The following ANO7 variants were observed in gnomAD, a reference collection of about 807,000 sequenced individuals.
ANO7 encodes anoctamin-7.
Under a neutral mutation model 115.8 loss-of-function variants are expected in ANO7, and 114 were observed. The ratio of observed to expected loss-of-function variants is 0.98; its 90% CI spans 0.85 to 1.15. ANO7 has a LOEUF of 1.15. Among genes scored for constraint, ANO7 ranks in the 50% most tolerant of loss-of-function variants. The probability of loss-of-function intolerance (pLI) is 0.00; values close to 1 mark genes in which losing one functional copy is unlikely to be tolerated. For synonymous variants in ANO7, 550 were observed against 498.2 expected (o/e 1.10, Z -1.38); for missense variants, 1,302 against 1,201.2 (o/e 1.08, Z -1.24).
At chr2:241,235,189 T>A in the ANO7 span, 1 of 1,614,116 alleles carries the variant, frequency 6.2e-7, no homozygotes. Flanking sequence ...CGGTCCAAAT[T>A]TGCAGCGAGG....
downstream of ANO7, chr2:241,229,978 G>C (rs758010521): frequency 1.9e-5 from 30 of 1,587,362 alleles, no homozygotes; most frequent in Admixed American, 4.8e-4. Context: ...GCAGAAGACA[G>C]GAAGACAGGG....
At chr2:241,235,357 C>A in the ANO7 span, 1 of 1,551,126 alleles carries the variant, frequency 6.4e-7, no homozygotes, top group African/African-American at 1.4e-5. Context: ...GGCCACCCGC[C>A]GTGAAGGGAA....
chr2:241,203,254 A>C lies in ANO7; in HGVS notation c.724-79A>C. 1.6e-6 allele frequency: 2 copies of C among 1,229,612 alleles called. No individual in the cohort carries two copies. Among genetic ancestry groups the C allele is most frequent in the African/African-American group, 1.6e-5 (1 of 63,438 alleles). 76.2% of individuals were successfully genotyped at this position (1,229,612 alleles called of 1,614,324 possible). A position where few individuals can be genotyped will look rare whatever the true frequency, so the allele number is the denominator to read the frequency against. ...CCAGGCCTGTCTGCCCATGTCCCAC[A>C]CTGAAGCCCCTGCACCTACAACAGT... On this transcript the variant is annotated intron_variant, in intron 8 of 24. Coordinates refer to ENST00000674324, the MANE Select transcript of ANO7 (RefSeq NM_001370694.2). The surrounding 1 kb of genome is among the most constrained non-coding windows in gnomAD (Gnocchi z 4.8).
At chr2:241,201,556 G>A (rs1559444094) in intron 7 of ANO7, among the ~76,000 whole-genome samples, 1 of 152,200 alleles carries the variant, frequency 6.6e-6, no homozygotes, top group Non-Finnish European at 1.5e-5. Flanking sequence ...GGAAGGGGTG[G>A]GGAAGGGCCC....
chr2:241,234,521 G>A, the ANO7 span, among the ~76,000 whole-genome samples: 1 of 152,166 alleles, frequency 6.6e-6, no homozygotes, highest in Admixed American at 6.5e-5. Context: ...CGGGAGGAGT[G>A]GAAAGCCAAC....
At chr2:241,204,161 C>T (rs1039664293) in intron 9 of ANO7, among the ~76,000 whole-genome samples, 8 of 152,184 alleles carry the variant, frequency 5.3e-5, no homozygotes, top group African/African-American at 1.4e-4. Context: ...AGGACTCACC[C>T]GGCCATCTCA....
rs765313188 is a variant in ANO7, at chr2:241,201,316, C to T, written c.573C>T (p.Asn191=). Residue 191 remains asparagine, a synonymous_variant, in exon 7 of 25, where the codon AAC becomes AAT. Coordinates refer to ENST00000674324, the MANE Select transcript of ANO7 (RefSeq NM_001370694.2). ...CCCACAGCTTCCTCGGGAGTGACAACCAGGACACCTTCTTCACAAGCACCA... is the reference window on the plus strand; with the variant it reads ...CCCACAGCTTCCTCGGGAGTGACAATCAGGACACCTTCTTCACAAGCACCA... ...NKLPRFLGSD[N]QDTFFTSTKR... is the part of the protein sequence containing the mutation. 1.9e-6 allele frequency: 3 copies of T among 1,613,390 alleles called. No individual in the cohort carries two copies. The highest frequency in any genetic ancestry group is 4.5e-5 in the East Asian group (2 of 44,826).
chr2:241,200,256 A>G, intron 6 of ANO7, 31 bp downstream of exon 6: 8 of 1,602,146 alleles, frequency 5.0e-6, no homozygotes, highest in Non-Finnish European at 5.1e-6. Flanking sequence ...GTCGGAGGAA[A>G]GAACAGGAGT....
In ANO7 at chr2:241,190,139, G is replaced by A; in HGVS notation, c.76G>A (p.Gly26Ser). 1 of 1,573,702 alleles carries A rather than the reference G, an allele frequency of 6.4e-7. No homozygotes were observed. The change falls in exon 2 of 25, where the codon GGC becomes AGC. Residue 26 changes from glycine (G) to serine (S), a missense_variant. Physicochemically the swap from Gly to Ser is moderately conservative, Grantham distance 56. Coordinates refer to ENST00000674324, the MANE Select transcript of ANO7 (RefSeq NM_001370694.2). Reference sequence around the variant, plus strand: ...GAGCCCCCCTGAGGCAGAGAAGAGGGGCTCTTACGGGAGCACAGCCCACGC... The same window carrying A: ...GAGCCCCCCTGAGGCAGAGAAGAGGAGCTCTTACGGGAGCACAGCCCACGC... The part of the protein sequence containing the change: ...DVSPPEAEKR[G>S]SYGSTAHASE...
Position 241,217,707 on chromosome 2 carries a change from C to A in ANO7, c.1994C>A (p.Thr665Asn). ...GCAGTGCTGCAGTTCGGCTTCGTCA[C>A]CATCTTCGTGGCCGCCTGTCCGCTC... is the stretch of plus-strand genomic sequence containing the variant. ...LEMVLQFGFV[T>N]IFVAACPLAP... The change falls in exon 20 of 25, where the codon ACC (threonine) becomes AAC (asparagine). Residue 665 changes from threonine to asparagine, a missense_variant. By Grantham distance (65) the Thr-to-Asn change is moderately conservative. Coordinates refer to ENST00000674324, the MANE Select transcript of ANO7 (RefSeq NM_001370694.2). 1 of 1,594,540 alleles carries A rather than the reference C, an allele frequency of 6.3e-7. No individual in the cohort carries two copies. The highest frequency in any genetic ancestry group is 8.5e-7 in the Non-Finnish European group (1 of 1,171,170).
At chr2:241,206,919 G>T (rs1446859566) in intron 10 of ANO7, among the ~76,000 whole-genome samples, 1 of 131,098 alleles carries the variant, frequency 7.6e-6, no homozygotes, top group Non-Finnish European at 1.6e-5. Context: ...GACACAAGTG[G>T]ACAGGAGTGC....
chr2:241,230,351 A>AT, downstream of ANO7: 2 of 890,998 alleles, frequency 2.2e-6, no homozygotes, highest in South Asian at 3.3e-5. The surrounding 1 kb of genome is among the most constrained non-coding windows in gnomAD (Gnocchi z 5.0). Flanking sequence ...CTAGTGAAGC[A>AT]TTTTCTGAGT....
intron 19 of ANO7, among the ~76,000 whole-genome samples, chr2:241,217,340 C>T (rs966289572): frequency 6.6e-6 from 1 of 152,240 alleles, no homozygotes; most frequent in African/African-American, 2.4e-5. Flanking sequence ...GAGCCCTCTC[C>T]TAACAGCTCC....
chr2:241,195,364 A>G (rs923987288), intron 3 of ANO7, among the ~76,000 whole-genome samples: 1 of 152,332 alleles, frequency 6.6e-6, no homozygotes, highest in South Asian at 2.1e-4. Flanking sequence ...GAAGTCTGAC[A>G]GTGACTTGCA....
intron 1 of ANO7, 101 bp from the exon 2 acceptor site, chr2:241,189,956 T>G: frequency 1.2e-6 from 1 of 858,428 alleles, no homozygotes; most frequent in Non-Finnish European, 1.8e-6. Context: ...CCGAGTCGAG[T>G]CTGTAAAGTG....
At chr2:241,197,923 T>A (rs1471988476) in intron 4 of ANO7, among the ~76,000 whole-genome samples, 1 of 151,716 alleles carries the variant, frequency 6.6e-6, no homozygotes, top group East Asian at 2.0e-4. Flanking sequence ...AGTGCCGGGA[T>A]CACAGGCATG....
the ANO7 span, chr2:241,239,811 C>A: frequency 6.2e-7 from 1 of 1,613,650 alleles, no homozygotes; most frequent in Admixed American, 1.7e-5. This position sits in a 1 kb window ranked among gnomAD's most constrained non-coding sequence, Gnocchi z 4.6. Flanking sequence ...GAGTCTTCCA[C>A]CACATTATCC....
intron 7 of ANO7, among the ~76,000 whole-genome samples, chr2:241,201,847 G>A (rs1476126458): frequency 1.4e-5 from 2 of 142,182 alleles, no homozygotes; most frequent in African/African-American, 5.2e-5. Flanking sequence ...CAGCTGCCAG[G>A]CTGCAGTGTT....
At position 241,209,616 on chromosome 2, in the gene ANO7, C is replaced by A; in HGVS notation, c.1340C>A (p.Ser447Tyr). The change falls in exon 13 of 25, where the codon TCT becomes TAT. Residue 447 changes from serine to tyrosine, a missense_variant. Transcript: ENST00000674324. ...RSRARRMLAG[S>Y]VVIVVMVAVV... Reference sequence around the variant, plus strand: ...CGCGCGCGCCGCATGCTGGCCGGCTCTGTGGTGATCGTGGTGATGGTATGC... The same window carrying A: ...CGCGCGCGCCGCATGCTGGCCGGCTATGTGGTGATCGTGGTGATGGTATGC... 1 of 1,574,222 alleles carries A rather than the reference C, an allele frequency of 6.4e-7. No individual in the cohort carries two copies. Among genetic ancestry groups the A allele is most frequent in the Non-Finnish European group, 8.6e-7 (1 of 1,161,024 alleles).
Sources: gnomAD v4.1 joint callset for allele counts (sites outside exome capture counted in the v4.1 genomes callset) on GRCh38, gnomAD v4.1.1 for gene constraint, Gnocchi (gnomAD v3.1) non-coding constraint, MANE v1.5 for transcripts, NCBI Gene and HGNC (gene_info 2026-07-23, HGNC 2026-07-21) for gene names.